SHC4: variants seen among roughly 807,000 people sequenced by gnomAD.
SHC4 encodes the protein SHC adaptor protein 4, also known as SHC-transforming protein 4.
A neutral mutation model predicts 69.4 loss-of-function variants in SHC4; 41 were observed. The observed-to-expected ratio is 0.59, with a 90% CI of 0.46 to 0.77. The LOEUF is 0.77. Among genes scored for constraint, SHC4 ranks in the 30% least tolerant of loss-of-function variants. The pLI is 0.00. For synonymous variants in SHC4, 318 were observed against 299.3 expected (o/e 1.06, Z -0.64); for missense variants, 777 against 783.8 (o/e 0.99, Z 0.10).
At chr15:48,919,295 ATTTTTT>A (rs386382928) in intron 2 of SHC4, among the ~76,000 whole-genome samples, 15 of 71,216 alleles carry the variant, frequency 2.1e-4, no homozygotes, top group African/African-American at 6.8e-4. Flanking sequence ...ATTTATTTTA[ATTTTTT>A]TTTTTTTTTT....
chr15:48,877,904 T>A, intron 4 of SHC4: 1 of 366,634 alleles, frequency 2.7e-6, no homozygotes, highest in Non-Finnish European at 4.9e-6. Flanking sequence ...TAGGGTTAAG[T>A]AACACAGAAA....
chr15:48,946,698 G>T, intron 1 of SHC4: 1 of 543,550 alleles, frequency 1.8e-6, no homozygotes, highest in Non-Finnish European at 2.3e-6. Context: ...CAACGCATTT[G>T]GAACATTCTC....
intron 9 of SHC4, among the ~76,000 whole-genome samples, chr15:48,844,189 T>G (rs1325676493): frequency 6.6e-6 from 1 of 152,202 alleles, no homozygotes; most frequent in Non-Finnish European, 1.5e-5. Context: ...ATTCTGTTAT[T>G]CAATGAAAAG....
At chr15:48,862,509 T>C (rs987992276) in intron 6 of SHC4, among the ~76,000 whole-genome samples, 3 of 152,182 alleles carry the variant, frequency 2.0e-5, no homozygotes, top group African/African-American at 7.2e-5. Context: ...GGAACTGCCC[T>C]GATTTAAATG....
chr15:48,826,190 A>G, intron 11 of SHC4, 64 bp from the exon 12 acceptor site: 1 of 1,462,286 alleles, frequency 6.8e-7, no homozygotes, highest in Non-Finnish European at 9.2e-7. Context: ...AGATATAAAT[A>G]ATAAGGGGGA....
At chr15:48,860,357 A>G (rs749071879) in intron 6 of SHC4, among the ~76,000 whole-genome samples, 14 of 151,808 alleles carry the variant, frequency 9.2e-5, no homozygotes, top group Non-Finnish European at 1.3e-4. Flanking sequence ...ATACAAAAAA[A>G]TTGGCTGGGC....
chr15:48,857,678 A>T lies in SHC4; in HGVS notation c.1070+14T>A. On this transcript the variant is annotated intron_variant, in intron 7 of 11. Coordinates refer to ENST00000332408, the MANE Select transcript of SHC4 (RefSeq NM_203349.4). ...TATATATATTGTCAAATTATTATAA[A>T]ACTCTTGGCTGACCTTTCACAAGAA... 6.3e-7 allele frequency: 1 copy of T among 1,584,984 alleles called. No homozygotes were observed. The highest frequency in any genetic ancestry group is 8.6e-7 in the Non-Finnish European group (1 of 1,166,700).
At chr15:48,898,729 G>T (rs1011660394) in intron 2 of SHC4, among the ~76,000 whole-genome samples, 2 of 152,156 alleles carry the variant, frequency 1.3e-5, no homozygotes, top group Non-Finnish European at 2.9e-5. Context: ...TTAAGTGCTG[G>T]TTTTTTCCTG....
intron 1 of SHC4, among the ~76,000 whole-genome samples, chr15:48,957,067 T>G (rs1401427902): frequency 6.9e-6 from 1 of 145,768 alleles, no homozygotes; most frequent in Non-Finnish European, 1.5e-5. Flanking sequence ...AATCTCCACT[T>G]CCCAGGTTCA....
intron 5 of SHC4, among the ~76,000 whole-genome samples, chr15:48,871,852 T>C (rs16961777): frequency 0.012 from 1,754 of 152,340 alleles, 28 homozygotes; most frequent in African/African-American, 0.04. Flanking sequence ...GGAGCACTAC[T>C]AGCTCATCTA....
At chr15:48,893,695 A>G (rs1470956494) in intron 2 of SHC4, among the ~76,000 whole-genome samples, 1 of 152,248 alleles carries the variant, frequency 6.6e-6, no homozygotes, top group Non-Finnish European at 1.5e-5. Flanking sequence ...AAAAGATACA[A>G]AACCCAGTGT....
At chr15:48,879,816 C>G (rs2141000052) in intron 4 of SHC4, 1 of 167,134 alleles carries the variant, frequency 6.0e-6, no homozygotes, top group African/African-American at 2.4e-5. Context: ...TTTTGTTTGG[C>G]TAATAGTATT....
At position 48,825,156 on chromosome 15, in the gene SHC4, G is replaced by C. The variant is rs1192349219; in HGVS notation, c.*815C>G. 6.6e-6 allele frequency: 1 copy of C among 151,228 alleles called. No individual in the cohort carries two copies. Among genetic ancestry groups the C allele is most frequent in the Non-Finnish European group, 1.5e-5 (1 of 67,714 alleles). The allele number at this position is 151,228 out of a possible 1,614,324, so 9.4% of individuals were successfully genotyped here. On this transcript the variant is annotated 3_prime_UTR_variant, in exon 12 of 12. Transcript: ENST00000332408. ...TCCATGCACTCATGAGGTTTTTTTT[G>C]TTTTTTTTGTTTTTTGTTTTTTGTC...
intron 1 of SHC4, among the ~76,000 whole-genome samples, chr15:48,955,925 C>A (rs528685435): frequency 1.3e-5 from 2 of 152,230 alleles, no homozygotes; most frequent in South Asian, 4.2e-4. Context: ...CATGTCTGAG[C>A]CTTAGTTTCC....
At chr15:48,905,562 C>G (rs1900392904) in intron 2 of SHC4, among the ~76,000 whole-genome samples, 1 of 152,024 alleles carries the variant, frequency 6.6e-6, no homozygotes, top group South Asian at 2.1e-4. Context: ...TTAAGGAAAG[C>G]AAAAAGGGGC....
intron 11 of SHC4, among the ~76,000 whole-genome samples, chr15:48,828,197 C>T (rs1416692446): frequency 6.6e-6 from 1 of 151,592 alleles, no homozygotes; most frequent in Non-Finnish European, 1.5e-5. Context: ...GTGTACAGTA[C>T]AGTATTGTTA....
intron 1 of SHC4, among the ~76,000 whole-genome samples, chr15:48,943,264 G>A (rs1428992963): frequency 4.0e-5 from 6 of 151,858 alleles, no homozygotes; most frequent in South Asian, 2.1e-4. Context: ...ATTTTCTCCC[G>A]CTCCCTGGCC....
At chr15:48,888,072 T>TA (rs1418953243) in intron 3 of SHC4, among the ~76,000 whole-genome samples, 4 of 152,040 alleles carry the variant, frequency 2.6e-5, no homozygotes, top group Admixed American at 2.0e-4. Flanking sequence ...CTAAAAAAAT[T>TA]AAAAAATAGA....
At chr15:48,891,598 C>T (rs1036656160) in intron 2 of SHC4, among the ~76,000 whole-genome samples, 4 of 152,172 alleles carry the variant, frequency 2.6e-5, no homozygotes, top group Non-Finnish European at 5.9e-5. Context: ...TGAACCTTAG[C>T]CTTGTGGCTT....
Sources: gnomAD v4.1 joint callset for allele counts (sites outside exome capture counted in the v4.1 genomes callset) on GRCh38, gnomAD v4.1.1 for gene constraint, MANE v1.5 for transcripts, NCBI Gene and HGNC (gene_info 2026-07-23, HGNC 2026-07-21) for gene names.